The following ZHX3 variants were observed in gnomAD, a reference collection of about 807,000 sequenced individuals.
ZHX3 encodes the protein zinc fingers and homeoboxes 3, also known as zinc fingers and homeoboxes protein 3.
Under a neutral mutation model 64.5 loss-of-function variants are expected in ZHX3, and 20 were observed. That is an observed-to-expected ratio of 0.31 (90% CI 0.22 to 0.45). The LOEUF (loss-of-function observed/expected upper bound fraction) is 0.45. Among genes scored for constraint, ZHX3 ranks in the 20% least tolerant of loss-of-function variants. The pLI is 1.00. For synonymous variants in ZHX3, 423 were observed against 461.6 expected (o/e 0.92, Z 1.07); for missense variants, 1,041 against 1,195.8 (o/e 0.87, Z 1.91).
Position 41,212,728 on chromosome 20 carries a change from C to T in ZHX3, c.-150-7662G>A, listed in dbSNP as rs776810358. On this transcript the variant is annotated intron_variant, in intron 2 of 3. Coordinates refer to ENST00000683867, the MANE Select transcript of ZHX3 (RefSeq NM_001384317.1). This position sits in a 1 kb window ranked among gnomAD's most constrained non-coding sequence, Gnocchi z 4.3. ...AGGAGAATTGCTTGAACCTGGGAGG[C>T]GGAGGTTGCAGTGAGCCAAGATCAT... Among the ~76,000 whole-genome samples, 5 of 150,900 alleles carry T rather than the reference C, an allele frequency of 3.3e-5. No homozygotes were observed. Among genetic ancestry groups the T allele is most frequent in the African/African-American group, 4.9e-5 (2 of 41,046 alleles).
At chr20:41,198,356 C>T (rs2037936486) in intron 3 of ZHX3, among the ~76,000 whole-genome samples, 2 of 152,058 alleles carry the variant, frequency 1.3e-5, no homozygotes, top group Non-Finnish European at 2.9e-5. Flanking sequence ...ATGAAGGACT[C>T]CCTTTAGCAT....
chr20:41,289,696 A>G (rs1249483305), intron 1 of ZHX3, among the ~76,000 whole-genome samples: 1 of 149,370 alleles, frequency 6.7e-6, no homozygotes, highest in African/African-American at 2.5e-5. Context: ...TAAGACTGTC[A>G]CTTTTTTTTT....
chr20:41,221,467 A>AC (rs2146333409), intron 2 of ZHX3, among the ~76,000 whole-genome samples: 1 of 152,364 alleles, frequency 6.6e-6, no homozygotes, highest in Non-Finnish European at 1.5e-5. Flanking sequence ...ACAAATGTTT[A>AC]CTAAATGCCT....
chr20:41,241,733 G>A (rs541129813), intron 2 of ZHX3, among the ~76,000 whole-genome samples: 1 of 152,218 alleles, frequency 6.6e-6, no homozygotes, highest in South Asian at 2.1e-4. Flanking sequence ...ATTCTGGGTT[G>A]TTTGTGGTTC....
intron 2 of ZHX3, among the ~76,000 whole-genome samples, chr20:41,236,020 A>G (rs982056935): frequency 3.9e-5 from 6 of 152,228 alleles, no homozygotes; most frequent in African/African-American, 9.6e-5. Flanking sequence ...TCCCATTCAC[A>G]ATTGCTTCAA....
chr20:41,302,126 G>GT (rs2044842301), intron 1 of ZHX3, among the ~76,000 whole-genome samples: 1 of 148,400 alleles, frequency 6.7e-6, no homozygotes, highest in African/African-American at 2.5e-5. Context: ...GTGCCCAACG[G>GT]TTTACCTCAA....
chr20:41,211,130 AAATAAT>A (rs928469874), intron 2 of ZHX3, among the ~76,000 whole-genome samples: 57 of 152,270 alleles, frequency 3.7e-4, no homozygotes, highest in African/African-American at 1.1e-3. Flanking sequence ...ACTCAAAAAG[AAATAAT>A]AATAATAATT....
chr20:41,279,432 C>G (rs1028606187), intron 1 of ZHX3, among the ~76,000 whole-genome samples: 8 of 151,644 alleles, frequency 5.3e-5, no homozygotes, highest in Non-Finnish European at 8.8e-5. Context: ...TTTTAACTAA[C>G]AGAATGAAGT....
intron 1 of ZHX3, among the ~76,000 whole-genome samples, chr20:41,303,599 T>C (rs1281369456): frequency 6.6e-6 from 1 of 152,162 alleles, no homozygotes; most frequent in Non-Finnish European, 1.5e-5. Context: ...TATCCCCAAA[T>C]AGCCTTTCCT....
At chr20:41,316,031 C>G (rs1392463230) in intron 1 of ZHX3, among the ~76,000 whole-genome samples, 1 of 151,094 alleles carries the variant, frequency 6.6e-6, no homozygotes, top group Admixed American at 6.6e-5. Flanking sequence ...AAAACAAACT[C>G]AAAACCAAAA....
intron 1 of ZHX3, chr20:41,269,295 T>C (rs1391186198): frequency 6.6e-6 from 1 of 152,238 alleles, no homozygotes; most frequent in Non-Finnish European, 1.5e-5. Flanking sequence ...GCAAACTCAA[T>C]GGTCTCTGAT....
chr20:41,200,841 G>C lies in ZHX3; in HGVS notation c.2860+1216C>G, dbSNP rs1469243836. ...AGGAAGTCTCTTTTTCCTTAATTCA[G>C]TAAAGAAACAATAGCATAACTATGT... On this transcript the variant is annotated intron_variant, in intron 3 of 3. Coordinates refer to ENST00000683867, the MANE Select transcript of ZHX3 (RefSeq NM_001384317.1). The surrounding 1 kb of genome is among the most constrained non-coding windows in gnomAD (Gnocchi z 4.2). 6.6e-6 allele frequency among the ~76,000 whole-genome samples: 1 copy of C among 152,122 alleles called. No homozygotes were observed. Among genetic ancestry groups the C allele is most frequent in the Non-Finnish European group, 1.5e-5 (1 of 68,032 alleles).
At chr20:41,237,507 G>T (rs539939973) in intron 2 of ZHX3, among the ~76,000 whole-genome samples, 2 of 152,072 alleles carry the variant, frequency 1.3e-5, no homozygotes, top group African/African-American at 2.4e-5. Context: ...GCAAACTATC[G>T]CAAGGACAAA....
At chr20:41,286,243 A>AT (rs1378758393) in intron 1 of ZHX3, among the ~76,000 whole-genome samples, 12 of 152,134 alleles carry the variant, frequency 7.9e-5, no homozygotes, top group African/African-American at 2.9e-4. Context: ...TTCTGCATTC[A>AT]TTTTTTGTAC....
At chr20:41,198,347 T>C (rs2037935654) in intron 3 of ZHX3, among the ~76,000 whole-genome samples, 1 of 152,184 alleles carries the variant, frequency 6.6e-6, no homozygotes. Flanking sequence ...CATTTCAGCA[T>C]GAAGGACTCC....
intron 1 of ZHX3, among the ~76,000 whole-genome samples, chr20:41,283,932 C>T (rs1277709030): frequency 6.6e-6 from 1 of 152,038 alleles, no homozygotes; most frequent in East Asian, 1.9e-4. Context: ...GAAGAGAAAA[C>T]CTTTTTACTC....
At position 41,196,286 on chromosome 20, in the gene ZHX3, T is replaced by A. The variant is rs556600630; in HGVS notation, c.2860+5771A>T. On this transcript the variant is annotated intron_variant, in intron 3 of 3. Coordinates refer to ENST00000683867, the MANE Select transcript of ZHX3 (RefSeq NM_001384317.1). ...GGGGTATATATATATATAATATATA[T>A]AAATAAATATATAAAAATAAATATA... 1.4e-3 allele frequency among the ~76,000 whole-genome samples: 174 copies of A among 124,344 alleles called. 2 individuals carry two copies. Among genetic ancestry groups the A allele is most frequent in the South Asian group, 0.012 (54 of 4,464 alleles). 81.6% of individuals were successfully genotyped at this position (124,344 alleles called of 152,430 possible). A position where few individuals can be genotyped will look rare whatever the true frequency, so the allele number is the denominator to read the frequency against.
intron 3 of ZHX3, among the ~76,000 whole-genome samples, chr20:41,187,893 G>C (rs750646470): frequency 1.3e-5 from 2 of 152,142 alleles, no homozygotes; most frequent in Non-Finnish European, 2.9e-5. Context: ...CATCACCTTA[G>C]TATTTATTAT....
intron 1 of ZHX3, among the ~76,000 whole-genome samples, chr20:41,271,325 G>T (rs987060870): frequency 6.6e-6 from 1 of 152,000 alleles, no homozygotes; most frequent in Non-Finnish European, 1.5e-5. Flanking sequence ...GCCTACAAAA[G>T]TTTTTTTTAG....
Sources: gnomAD v4.1 joint callset for allele counts (sites outside exome capture counted in the v4.1 genomes callset) on GRCh38, gnomAD v4.1.1 for gene constraint, Gnocchi (gnomAD v3.1) non-coding constraint, MANE v1.5 for transcripts, NCBI Gene and HGNC (gene_info 2026-07-23, HGNC 2026-07-21) for gene names.